Variants in SEL1L2 observed in about 807,000 individuals in gnomAD.
SEL1L2 encodes the protein protein sel-1 homolog 2.
Under a neutral mutation model 98.8 loss-of-function variants are expected in SEL1L2, and 89 were observed. That is an observed-to-expected ratio of 0.90 (90% CI 0.76 to 1.07). The LOEUF is 1.07. Among genes scored for constraint, SEL1L2 ranks in the 50% least tolerant of loss-of-function variants. The pLI is 0.00. For missense variants in SEL1L2, 788 were observed against 812.0 expected (o/e 0.97, Z 0.36); for synonymous variants, 262 against 278.5 (o/e 0.94, Z 0.59).
At chr20:13,876,419 T>A (rs2046433656) in intron 11 of SEL1L2, among the ~76,000 whole-genome samples, 1 of 151,046 alleles carries the variant, frequency 6.6e-6, no homozygotes, top group South Asian at 2.1e-4. Flanking sequence ...TTTTTTTTTT[T>A]TTTTTTTGCA....
At chr20:13,926,563 G>A (rs1183272455) in intron 3 of SEL1L2, among the ~76,000 whole-genome samples, 1 of 152,070 alleles carries the variant, frequency 6.6e-6, no homozygotes, top group African/African-American at 2.4e-5. Context: ...GAAGTGAGCT[G>A]CCCCAGGAAG....
At chr20:13,994,032 TG>T (rs1336561420), upstream of SEL1L2, among the ~76,000 whole-genome samples, 6 of 152,026 alleles carry the variant, frequency 3.9e-5, no homozygotes, top group African/African-American at 1.4e-4. Context: ...AAAAACAGGC[TG>T]GGCACGGTGG....
At position 13,869,569 on chromosome 20, in the gene SEL1L2, A is replaced by G. The variant is rs762991659; in HGVS notation, c.1189T>C (p.Tyr397His). ...CCTTTTTCCGCAGCTTTCTGAAAGT[A>G]TTTAAGTGCTTCGGCATAATTCTGC... is the stretch of plus-strand genomic sequence containing the variant. Reference protein sequence around the residue: ...VPLNYAEALKYFQKAAEKGWP... With the variant: ...VPLNYAEALKHFQKAAEKGWP... Residue 397 changes from tyrosine to histidine, a missense_variant, in exon 14 of 20, where the codon TAC becomes CAC. Transcript: ENST00000284951. The G allele has an allele frequency of 3.1e-6, 5 of 1,614,124 alleles. No homozygotes were observed. The South Asian group carries it at 5.5e-5, about 18-fold the overall frequency.
At chr20:13,868,950 T>C (rs2046053578) in intron 14 of SEL1L2, among the ~76,000 whole-genome samples, 1 of 152,094 alleles carries the variant, frequency 6.6e-6, no homozygotes, top group Admixed American at 6.6e-5. Context: ...GGGGTGCCCA[T>C]TCATTTACTC....
At chr20:13,980,164 A>C (rs1303482868) in intron 1 of SEL1L2, among the ~76,000 whole-genome samples, 6 of 152,242 alleles carry the variant, frequency 3.9e-5, no homozygotes, top group African/African-American at 7.2e-5. Context: ...ATATTGCCTC[A>C]CACTTGTTAG....
At chr20:13,909,957 C>T (rs2048144325) in intron 5 of SEL1L2, among the ~76,000 whole-genome samples, 1 of 152,144 alleles carries the variant, frequency 6.6e-6, no homozygotes, top group Non-Finnish European at 1.5e-5. Context: ...GGCAACAGAA[C>T]GAGACTCTGT....
intron 5 of SEL1L2, among the ~76,000 whole-genome samples, chr20:13,908,847 A>G (rs1358731639): frequency 6.6e-6 from 1 of 152,192 alleles, no homozygotes; most frequent in Non-Finnish European, 1.5e-5. Context: ...AGGTGCATGA[A>G]AAGAAGTAAT....
intron 10 of SEL1L2, among the ~76,000 whole-genome samples, chr20:13,878,541 T>C (rs530115861): frequency 6.6e-6 from 1 of 152,206 alleles, no homozygotes; most frequent in Non-Finnish European, 1.5e-5. Flanking sequence ...TTGATCAGGT[T>C]GATGTGCAAA....
chr20:13,939,333 AC>A (rs1569007268), intron 2 of SEL1L2, among the ~76,000 whole-genome samples: 1 of 151,708 alleles, frequency 6.6e-6, no homozygotes, highest in African/African-American at 2.4e-5. Context: ...GTGAGCCACC[AC>A]GCCTGGCCAA....
intron 5 of SEL1L2, 194 bp downstream of exon 5, chr20:13,913,588 A>G: frequency 2.4e-6 from 1 of 418,310 alleles, no homozygotes; most frequent in Middle Eastern, 6.1e-4. Flanking sequence ...TTTATATAAA[A>G]TTTAGCTGTT....
At chr20:13,885,442 A>T (rs765024161) in intron 9 of SEL1L2, 39 bp from the exon 10 acceptor site, 3 of 1,283,996 alleles carry the variant, frequency 2.3e-6, no homozygotes, top group Non-Finnish European at 3.4e-6. Context: ...TAGCAGCAGT[A>T]TTACTTTAAA....
chr20:13,908,749 T>C (rs1234114197), intron 5 of SEL1L2, among the ~76,000 whole-genome samples: 2 of 152,222 alleles, frequency 1.3e-5, no homozygotes, highest in Non-Finnish European at 2.9e-5. Context: ...ATCAATTTAA[T>C]GGACTCTGTT....
intron 1 of SEL1L2, among the ~76,000 whole-genome samples, chr20:13,986,584 T>A (rs372429036): frequency 2.0e-4 from 31 of 152,352 alleles, no homozygotes; most frequent in Middle Eastern, 3.4e-3. Context: ...TTCATTTTTT[T>A]ATGGCTGAGT....
chr20:13,899,147 T>C (rs1317785352), intron 5 of SEL1L2, among the ~76,000 whole-genome samples: 1 of 152,216 alleles, frequency 6.6e-6, no homozygotes, highest in Non-Finnish European at 1.5e-5. Flanking sequence ...TTGACACATA[T>C]CATCTGTAAA....
At chr20:13,944,791 T>C (rs1199559309) in intron 2 of SEL1L2, among the ~76,000 whole-genome samples, 3 of 152,214 alleles carry the variant, frequency 2.0e-5, no homozygotes, top group Non-Finnish European at 4.4e-5. Context: ...AAATGCATGA[T>C]GATGGTGATT....
intron 1 of SEL1L2, among the ~76,000 whole-genome samples, chr20:13,978,848 C>T (rs1427285448): frequency 6.6e-6 from 1 of 152,230 alleles, no homozygotes; most frequent in Middle Eastern, 3.4e-3. Context: ...CACTTGAGGT[C>T]CGGAGTTTGA....
At chr20:13,937,792 T>C (rs2049528851) in intron 2 of SEL1L2, among the ~76,000 whole-genome samples, 1 of 152,194 alleles carries the variant, frequency 6.6e-6, no homozygotes, top group African/African-American at 2.4e-5. Context: ...GGAAGTTTAA[T>C]GAATATGTGA....
At chr20:13,892,077 T>C (rs1240969474) in intron 5 of SEL1L2, among the ~76,000 whole-genome samples, 1 of 152,190 alleles carries the variant, frequency 6.6e-6, no homozygotes, top group Non-Finnish European at 1.5e-5. Context: ...GTTGATAACA[T>C]ACAGTGGTGG....
chr20:13,859,506 A>C (rs1401891120), intron 17 of SEL1L2, 72 bp from the exon 18 acceptor site: 4 of 1,346,184 alleles, frequency 3.0e-6, no homozygotes, highest in East Asian at 2.5e-5. Flanking sequence ...AATTCAACCT[A>C]GTAATCTTGT....
Sources: gnomAD v4.1 joint callset for allele counts (sites outside exome capture counted in the v4.1 genomes callset) on GRCh38, gnomAD v4.1.1 for gene constraint, MANE v1.5 for transcripts, NCBI Gene and HGNC (gene_info 2026-07-23, HGNC 2026-07-21) for gene names.